The following SDK1 variants were observed in gnomAD, a reference collection of about 807,000 sequenced individuals.
SDK1 encodes protein sidekick-1.
SDK1 carries 157 observed loss-of-function variants against 245.5 expected under a neutral mutation model. That is an observed-to-expected ratio of 0.64 (90% CI 0.56 to 0.73). SDK1 has a LOEUF of 0.73. SDK1 is among the 30% of genes least tolerant of loss of function. The pLI, the probability that SDK1 is intolerant of heterozygous loss-of-function variation, is 0.00. For missense variants in SDK1, 3,583 were observed against 3,002.3 expected, an observed-to-expected ratio of 1.19 and a Z score of -4.52; for synonymous variants, 1,647 against 1,278.5, an observed-to-expected ratio of 1.29 and a Z score of -6.15.
Position 4,028,171 on chromosome 7 carries a change from C to T in SDK1, c.2602+10819C>T, listed in dbSNP as rs554565879. On this transcript the variant is annotated intron_variant, in intron 17 of 44. Transcript: ENST00000404826. ...AAATTCTCGGGCCTTACTCCAGACCCACTGAATCAGAAACTCTTACCATAT... is the reference window on the plus strand; with the variant it reads ...AAATTCTCGGGCCTTACTCCAGACCTACTGAATCAGAAACTCTTACCATAT... Among the ~76,000 whole-genome samples, 193 of 152,256 alleles carry T rather than the reference C, an allele frequency of 1.3e-3. 1 individual carries two copies. Among genetic ancestry groups the T allele is most frequent in the African/African-American group, 4.2e-3 (176 of 41,550 alleles).
At chr7:3,593,326 G>A (rs547557005) in intron 1 of SDK1, among the ~76,000 whole-genome samples, 26 of 152,170 alleles carry the variant, frequency 1.7e-4, no homozygotes, top group South Asian at 4.1e-4. Context: ...GGGACAAGGT[G>A]GGGCTGTTTC....
intron 5 of SDK1, among the ~76,000 whole-genome samples, chr7:3,940,849 G>A (rs1321866818): frequency 1.3e-5 from 2 of 151,954 alleles, no homozygotes; most frequent in African/African-American, 4.8e-5. Context: ...ATAAAGGTCA[G>A]TGCTCCCTGG....
chr7:3,879,793 A>G (rs566926043), intron 5 of SDK1, among the ~76,000 whole-genome samples: 1 of 152,316 alleles, frequency 6.6e-6, no homozygotes, highest in Admixed American at 6.5e-5. Context: ...CTGTAGTGGA[A>G]CAGTGCTCTG....
intron 17 of SDK1, among the ~76,000 whole-genome samples, chr7:4,040,901 G>A (rs926069759): frequency 6.6e-6 from 1 of 152,162 alleles, no homozygotes; most frequent in Admixed American, 6.5e-5. Flanking sequence ...CACAGCTGCC[G>A]GCATTCACCT....
intron 5 of SDK1, among the ~76,000 whole-genome samples, chr7:3,935,975 G>C (rs918842034): frequency 3.9e-5 from 6 of 152,200 alleles, no homozygotes; most frequent in African/African-American, 1.4e-4. Context: ...CTAATTAGAA[G>C]GTGAGAACAA....
intron 1 of SDK1, among the ~76,000 whole-genome samples, chr7:3,449,331 A>C (rs1780441888): frequency 6.6e-6 from 1 of 152,226 alleles, no homozygotes; most frequent in African/African-American, 2.4e-5. Context: ...TTCATTGTGG[A>C]AATAATGTCC....
chr7:3,461,076 G>C (rs1256993447), intron 1 of SDK1, among the ~76,000 whole-genome samples: 1 of 152,144 alleles, frequency 6.6e-6, no homozygotes, highest in African/African-American at 2.4e-5. Flanking sequence ...GGGCTTGTAA[G>C]GTTTCAGTTT....
At chr7:3,473,211 C>A (rs1781238619) in intron 1 of SDK1, among the ~76,000 whole-genome samples, 2 of 152,124 alleles carry the variant, frequency 1.3e-5, no homozygotes, top group Admixed American at 6.5e-5. Context: ...GTAAATGGAG[C>A]AGGACCTCAA....
chr7:3,717,182 G>A (rs564223173), intron 4 of SDK1, among the ~76,000 whole-genome samples: 16 of 152,244 alleles, frequency 1.1e-4, no homozygotes, highest in African/African-American at 1.7e-4. Flanking sequence ...CTAATTGACC[G>A]AAATAGACCA....
intron 1 of SDK1, among the ~76,000 whole-genome samples, chr7:3,307,023 T>C (rs1240536122): frequency 6.6e-6 from 1 of 152,132 alleles, no homozygotes; most frequent in Non-Finnish European, 1.5e-5. Context: ...GGAATGAAAA[T>C]CACATTGAAA....
rs373019035 is a variant in SDK1, at chr7:4,145,675, C to T, written c.4229-47C>T. Reference sequence around the variant, plus strand: ...GTGTGGGCACAGGGCTTCCCTGTGCCGTGGGTGACTGGCTCAGCAGCTGTC... The same window carrying T: ...GTGTGGGCACAGGGCTTCCCTGTGCTGTGGGTGACTGGCTCAGCAGCTGTC... On this transcript the variant is annotated intron_variant, in intron 28 of 44. Coordinates refer to ENST00000404826, the MANE Select transcript of SDK1 (RefSeq NM_152744.4). The T allele has an allele frequency of 1.3e-4, 202 of 1,537,518 alleles. 1 individual carries two copies. The highest frequency in any genetic ancestry group is 3.5e-4 in the Middle Eastern group (2 of 5,660).
intron 1 of SDK1, among the ~76,000 whole-genome samples, chr7:3,604,951 G>T (rs1249712110): frequency 6.6e-6 from 1 of 151,918 alleles, no homozygotes; most frequent in Non-Finnish European, 1.5e-5. Flanking sequence ...CTGTCATTCA[G>T]TTTCCAGGTC....
At chr7:3,844,323 G>C (rs1003107903) in intron 5 of SDK1, among the ~76,000 whole-genome samples, 8 of 152,138 alleles carry the variant, frequency 5.3e-5, no homozygotes, top group African/African-American at 1.9e-4. Flanking sequence ...AGAAGGGTGA[G>C]TTTGTATTTC....
intron 5 of SDK1, among the ~76,000 whole-genome samples, chr7:3,853,461 A>G (rs1241832484): frequency 6.6e-6 from 1 of 152,228 alleles, no homozygotes; most frequent in Non-Finnish European, 1.5e-5. Flanking sequence ...AAACTCTGTT[A>G]GAAAATTTTA....
intron 21 of SDK1, among the ~76,000 whole-genome samples, chr7:4,078,948 G>C (rs1018888333): frequency 4.6e-5 from 7 of 152,118 alleles, no homozygotes; most frequent in African/African-American, 1.4e-4. Context: ...ACCTGATCCT[G>C]ACCGGGTGTC....
intron 5 of SDK1, among the ~76,000 whole-genome samples, chr7:3,910,608 C>A (rs987249094): frequency 1.9e-4 from 29 of 152,092 alleles, no homozygotes; most frequent in Non-Finnish European, 3.8e-4. Flanking sequence ...TCCTGAGACC[C>A]CAGTCTTGTT....
chr7:3,592,557 G>A (rs1780912367), intron 1 of SDK1, among the ~76,000 whole-genome samples: 1 of 152,154 alleles, frequency 6.6e-6, no homozygotes, highest in Non-Finnish European at 1.5e-5. Context: ...TCTGCCCAGT[G>A]AAGGTTATTT....
chr7:4,268,098 T>A lies in SDK1; in HGVS notation c.*2714T>A. 1 of 985,536 alleles carries A rather than the reference T, an allele frequency of 1.0e-6. No individual in the cohort carries two copies. Among genetic ancestry groups the A allele is most frequent in the Non-Finnish European group, 1.2e-6 (1 of 829,992 alleles). 61.0% of individuals were successfully genotyped at this position (985,536 alleles called of 1,614,324 possible). On this transcript the variant is annotated 3_prime_UTR_variant, in exon 45 of 45. Transcript: ENST00000404826. Reference sequence around the variant, plus strand: ...TGTCTCTAAGCCAGGCTAGATGGAATGTGCTCCCGCTCTCTCCTGCCGTGC... The same window carrying A: ...TGTCTCTAAGCCAGGCTAGATGGAAAGTGCTCCCGCTCTCTCCTGCCGTGC...
intron 5 of SDK1, among the ~76,000 whole-genome samples, chr7:3,851,151 G>T (rs1562489971): frequency 6.6e-6 from 1 of 152,186 alleles, no homozygotes; most frequent in Non-Finnish European, 1.5e-5. Flanking sequence ...TCACTTGTTG[G>T]AGTGAAAATT....
Sources: gnomAD v4.1 joint callset for allele counts (sites outside exome capture counted in the v4.1 genomes callset) on GRCh38, gnomAD v4.1.1 for gene constraint, MANE v1.5 for transcripts, NCBI Gene and HGNC (gene_info 2026-07-23, HGNC 2026-07-21) for gene names.